Variants in PLEKHA6 observed in about 807,000 individuals in gnomAD.
PLEKHA6 encodes the protein pleckstrin homology domain-containing family A member 6.
PLEKHA6 carries 60 observed loss-of-function variants against 116.7 expected under a neutral mutation model. That is an observed-to-expected ratio of 0.51 (90% confidence interval 0.42 to 0.64). The LOEUF (loss-of-function observed/expected upper bound fraction) is 0.64. Among genes scored for constraint, PLEKHA6 ranks in the 30% least tolerant of loss-of-function variants. The pLI, the probability that PLEKHA6 is intolerant of heterozygous loss-of-function variation, is 0.00. For synonymous variants in PLEKHA6, 489 were observed against 556.1 expected (o/e 0.88, Z 1.70); for missense variants, 1,338 against 1,422.7 (o/e 0.94, Z 0.96).
chr1:204,322,896 T>C (rs1373792420), intron 1 of PLEKHA6, among the ~76,000 whole-genome samples: 2 of 152,198 alleles, frequency 1.3e-5, no homozygotes. Context: ...TGGCGTATCA[T>C]TCTGTGGATG....
At chr1:204,303,710 T>C (rs1671026501) in intron 1 of PLEKHA6, among the ~76,000 whole-genome samples, 1 of 152,044 alleles carries the variant, frequency 6.6e-6, no homozygotes, top group Non-Finnish European at 1.5e-5. Context: ...CTATATTATT[T>C]TGGGGTACGG....
At chr1:204,305,214 T>TTCCCTATCA (rs1043563293) in intron 1 of PLEKHA6, among the ~76,000 whole-genome samples, 6 of 152,174 alleles carry the variant, frequency 3.9e-5, no homozygotes, top group Non-Finnish European at 7.3e-5. Flanking sequence ...AGTTTTCCAC[T>TTCCCTATCA]CTGCCTTCCC....
intron 12 of PLEKHA6, among the ~76,000 whole-genome samples, chr1:204,248,445 A>T (rs531453940): frequency 9.9e-5 from 15 of 152,254 alleles, no homozygotes; most frequent in African/African-American, 3.4e-4. Flanking sequence ...TGAGCCACTG[A>T]GGCCAGCTGG....
intron 1 of PLEKHA6, among the ~76,000 whole-genome samples, chr1:204,374,151 A>G (rs1673825516): frequency 1.3e-5 from 2 of 152,052 alleles, no homozygotes; most frequent in Middle Eastern, 3.4e-3. Flanking sequence ...GCTTGGCACC[A>G]TCTTGCACCC....
intron 1 of PLEKHA6, among the ~76,000 whole-genome samples, chr1:204,308,452 T>A (rs924309877): frequency 6.6e-6 from 1 of 152,060 alleles, no homozygotes; most frequent in East Asian, 1.9e-4. Flanking sequence ...GGAACCATGC[T>A]TTAATACAAC....
chr1:204,299,541 C>T, intron 1 of PLEKHA6: 1 of 773,428 alleles, frequency 1.3e-6, no homozygotes, highest in Non-Finnish European at 1.6e-6. Context: ...TCTGAGCCGG[C>T]AGCCAGCAAG....
intron 1 of PLEKHA6, among the ~76,000 whole-genome samples, chr1:204,327,870 G>A (rs1007862297): frequency 1.3e-5 from 2 of 152,172 alleles, no homozygotes; most frequent in Non-Finnish European, 2.9e-5. Context: ...AGAGAGCTGG[G>A]ATGGCTGGCT....
chr1:204,321,704 T>C (rs982321427), intron 1 of PLEKHA6, among the ~76,000 whole-genome samples: 2 of 152,216 alleles, frequency 1.3e-5, no homozygotes, highest in Non-Finnish European at 2.9e-5. Flanking sequence ...TCATCCTTTG[T>C]TTACAAGTGT....
intron 1 of PLEKHA6, among the ~76,000 whole-genome samples, chr1:204,278,134 T>C (rs1238337020): frequency 6.6e-6 from 1 of 152,114 alleles, no homozygotes; most frequent in Non-Finnish European, 1.5e-5. Flanking sequence ...TGGTCAGCGC[T>C]CCCCCCTTTC....
intron 1 of PLEKHA6, chr1:204,317,380 A>T (rs1671899842): frequency 6.0e-6 from 1 of 166,876 alleles, no homozygotes. Context: ...AGAGTTTATC[A>T]GCAGAATCTG....
intron 9 of PLEKHA6, chr1:204,255,522 C>G (rs1177962401): frequency 7.5e-6 from 5 of 670,238 alleles, no homozygotes; most frequent in Non-Finnish European, 1.3e-5. Context: ...CCTGCTTGCA[C>G]CAACAAAGGT....
chr1:204,298,000 A>G (rs6594002), intron 1 of PLEKHA6: 285,101 of 658,310 alleles, frequency 0.43, 63,659 homozygotes, highest in East Asian at 0.72. Flanking sequence ...ATGGTTCACA[A>G]TTGGCTCTGG....
chr1:204,241,670 T>C lies in PLEKHA6; in HGVS notation c.2302+15A>G. 6.4e-7 allele frequency: 1 copy of C among 1,566,450 alleles called. No homozygotes were observed. The highest frequency in any genetic ancestry group is 1.2e-5 in the South Asian group (1 of 81,986). On this transcript the variant is annotated intron_variant, in intron 16 of 22. Transcript: ENST00000272203. ...TCCTTGCCTTACTTCTAGGGGAAGA[T>C]GGGACAGAAAGTACCTTTGTTGAGA...
At position 204,323,288 on chromosome 1, in the gene PLEKHA6, AC is replaced by A. The variant is rs374712831; in HGVS notation, c.-95+36405del. On this transcript the variant is annotated intron_variant, in intron 1 of 22. Transcript: ENST00000272203. The stretch of plus-strand genomic sequence containing the variant: ...TCTCTTTGCTCCATCCTAGCACCTG[AC>A]ATTTAATAGGTCTTTTGCATCGTTA... 7.9e-5 allele frequency among the ~76,000 whole-genome samples: 12 copies of A among 152,340 alleles called. 1 individual carries two copies. The East Asian group carries it at 1.5e-3, about 20-fold the overall frequency.
At chr1:204,275,886 C>T (rs767474669) in intron 1 of PLEKHA6, 8 of 182,180 alleles carry the variant, frequency 4.4e-5, no homozygotes, top group Non-Finnish European at 8.4e-5. Context: ...GCCAAACTCC[C>T]GCAAGGAACA....
At chr1:204,307,663 C>A (rs1202394476) in intron 1 of PLEKHA6, among the ~76,000 whole-genome samples, 2 of 152,228 alleles carry the variant, frequency 1.3e-5, no homozygotes, top group Non-Finnish European at 2.9e-5. Context: ...TGATGGCTTA[C>A]CCGCCCTCGC....
intron 17 of PLEKHA6, among the ~76,000 whole-genome samples, chr1:204,234,638 T>C (rs981859629): frequency 2.6e-5 from 4 of 152,118 alleles, no homozygotes; most frequent in Non-Finnish European, 5.9e-5. Flanking sequence ...ATCCTGGGTG[T>C]GTCTGTGAAG....
chr1:204,299,511 G>C (rs1670610247), intron 1 of PLEKHA6: 1 of 374,082 alleles, frequency 2.7e-6, no homozygotes, highest in African/African-American at 2.2e-5. Context: ...GAGGACTGCT[G>C]ACCGAAGGAC....
At chr1:204,316,904 G>C (rs1671880864) in intron 1 of PLEKHA6, among the ~76,000 whole-genome samples, 2 of 152,206 alleles carry the variant, frequency 1.3e-5, no homozygotes, top group African/African-American at 2.4e-5. Flanking sequence ...GAAGCCAAAT[G>C]ATGAACCCCA....
Sources: allele counts gnomAD v4.1 joint callset (sites outside exome capture counted in the v4.1 genomes callset), GRCh38; gene constraint gnomAD v4.1.1; transcripts MANE v1.5; gene names NCBI Gene and HGNC (gene_info 2026-07-23, HGNC 2026-07-21).